Variants in SLC14A2 observed in about 807,000 individuals in gnomAD.
SLC14A2 encodes the protein solute carrier family 14 member 2, also known as urea transporter 2.
In SLC14A2, 91 loss-of-function variants were observed where a neutral mutation model predicts 104.6. The ratio of observed to expected loss-of-function variants is 0.87; its 90% CI spans 0.73 to 1.04. SLC14A2 has a LOEUF of 1.04. Ranked by LOEUF, SLC14A2 falls within the 50% of genes least tolerant of loss-of-function variation. SLC14A2 has a pLI of 0.00. For missense variants in SLC14A2, 1,189 were observed against 1,156.0 expected (o/e 1.03, Z -0.41); for synonymous variants, 476 against 466.4 (o/e 1.02, Z -0.27).
intron 2 of SLC14A2, chr18:45,485,417 T>A (rs1340760379): frequency 6.6e-6 from 1 of 152,234 alleles, no homozygotes; most frequent in East Asian, 1.9e-4. Context: ...ATCTTACTTT[T>A]TTCAAGGCTG....
At chr18:45,404,134 G>C (rs79457890) in intron 1 of SLC14A2, among the ~76,000 whole-genome samples, 3,014 of 152,164 alleles carry the variant, frequency 0.02, 36 homozygotes, top group Non-Finnish European at 0.032. Flanking sequence ...CACTTTCTGG[G>C]CTCCCATTGC....
At chr18:45,352,532 T>G (rs1255420668) in intron 1 of SLC14A2, among the ~76,000 whole-genome samples, 3 of 152,160 alleles carry the variant, frequency 2.0e-5, no homozygotes, top group Non-Finnish European at 4.4e-5. Flanking sequence ...CCCTAGGCAC[T>G]CGGGCTAGAT....
At chr18:45,260,161 C>G (rs1377326930) in intron 1 of SLC14A2, among the ~76,000 whole-genome samples, 1 of 152,142 alleles carries the variant, frequency 6.6e-6, no homozygotes, top group Non-Finnish European at 1.5e-5. Context: ...GCTTTAGGAC[C>G]TTATGAATCA....
chr18:45,243,465 C>T lies in SLC14A2; in HGVS notation c.-125+30274C>T, dbSNP rs150278632. Among the ~76,000 whole-genome samples, 6 of 152,280 alleles carry T rather than the reference C, an allele frequency of 3.9e-5. No homozygotes were observed. In the East Asian group the frequency reaches 9.6e-4, roughly 24 times the overall value. On this transcript the variant is annotated intron_variant, in intron 1 of 20. Coordinates refer to the SLC14A2 transcript ENST00000586448. Reference sequence around the variant, plus strand: ...TCAGAACCAGCAGTCACAGCTCCCACCCCAAAGAATGATCACATGGATGCT... The same window carrying T: ...TCAGAACCAGCAGTCACAGCTCCCATCCCAAAGAATGATCACATGGATGCT...
At chr18:45,610,310 G>C (rs1568297413) in intron 2 of SLC14A2, among the ~76,000 whole-genome samples, 1 of 152,200 alleles carries the variant, frequency 6.6e-6, no homozygotes, top group African/African-American at 2.4e-5. Context: ...GGCATAAAAT[G>C]TGTGCAGAAA....
chr18:45,533,623 A>G (rs990231686), intron 2 of SLC14A2, among the ~76,000 whole-genome samples: 2 of 152,024 alleles, frequency 1.3e-5, no homozygotes, highest in African/African-American at 4.8e-5. Context: ...TGGTCTATCA[A>G]TTTTGCTGAT....
rs199745728 is a variant in SLC14A2 at position 45,240,649 on chromosome 18, TG to T, written c.-125+27459del. On this transcript the variant is annotated intron_variant, in intron 1 of 20. Coordinates refer to the SLC14A2 transcript ENST00000586448. ...GAAAGTGTTTTTTTTTTGTTTTTTT[TG>T]TTTTTGTTTTTGGTTTTGCCTTTTT... Among the ~76,000 whole-genome samples the T allele has an allele frequency of 2.6e-3, 390 of 149,652 alleles. 2 individuals carry two copies. Among genetic ancestry groups the T allele is most frequent in the African/African-American group, 9.0e-3 (359 of 40,030 alleles).
the SLC14A2 span, among the ~76,000 whole-genome samples, chr18:45,191,596 G>A: frequency 2.0e-5 from 3 of 152,154 alleles, no homozygotes; most frequent in African/African-American, 4.8e-5. Context: ...TGTTTCTTGG[G>A]GACTTCAGCC....
intron 1 of SLC14A2, among the ~76,000 whole-genome samples, chr18:45,315,196 G>T (rs1387972173): frequency 6.6e-6 from 1 of 152,176 alleles, no homozygotes; most frequent in East Asian, 1.9e-4. Flanking sequence ...GAAGGGAGAA[G>T]TTGAATCATT....
At chr18:45,435,471 T>C (rs1332646753) in intron 1 of SLC14A2, 1 of 152,206 alleles carries the variant, frequency 6.6e-6, no homozygotes. Context: ...TATTATAATA[T>C]CACACACACC....
intron 1 of SLC14A2, among the ~76,000 whole-genome samples, chr18:45,344,057 C>T (rs1049899566): frequency 2.0e-5 from 3 of 152,172 alleles, no homozygotes; most frequent in Non-Finnish European, 4.4e-5. Flanking sequence ...TAACTTTCAT[C>T]AAAGTATGTG....
At chr18:45,185,214 G>C in the SLC14A2 span, among the ~76,000 whole-genome samples, 1 of 152,166 alleles carries the variant, frequency 6.6e-6, no homozygotes, top group African/African-American at 2.4e-5. Context: ...AAAGAAGAAT[G>C]TATTTGTCAC....
At chr18:45,608,039 A>C (rs1599058976) in intron 2 of SLC14A2, among the ~76,000 whole-genome samples, 1 of 152,206 alleles carries the variant, frequency 6.6e-6, no homozygotes, top group Non-Finnish European at 1.5e-5. Flanking sequence ...CTATGACCCC[A>C]TTCCTGGGCA....
chr18:45,546,610 G>A lies in SLC14A2; in HGVS notation c.-35+63288G>A, dbSNP rs886495827. On this transcript the variant is annotated intron_variant, in intron 2 of 20. Transcript: ENST00000586448. ...AAAAAGTGTATCTTAGCCCTGAAAG[G>A]TCAAAGAGCTTAATAGTCAAAGGAT... Among the ~76,000 whole-genome samples the A allele has an allele frequency of 3.9e-5, 6 of 152,176 alleles. No individual in the cohort carries two copies. The East Asian group carries it at 7.7e-4, about 20-fold the overall frequency.
chr18:45,349,786 A>G (rs1342081753), intron 1 of SLC14A2, among the ~76,000 whole-genome samples: 1 of 152,250 alleles, frequency 6.6e-6, no homozygotes, highest in African/African-American at 2.4e-5. Context: ...ACGTAGATGA[A>G]GATTAAGAGA....
chr18:45,187,436 T>C, the SLC14A2 span, among the ~76,000 whole-genome samples: 92 of 152,294 alleles, frequency 6.0e-4, 1 homozygote, highest in African/African-American at 1.7e-3. Flanking sequence ...TAGAATTAAA[T>C]TGTGGAACAA....
At chr18:45,569,408 C>T (rs1020049194) in intron 2 of SLC14A2, among the ~76,000 whole-genome samples, 1 of 152,330 alleles carries the variant, frequency 6.6e-6, no homozygotes, top group African/African-American at 2.4e-5. Flanking sequence ...ACCAGTGCTA[C>T]ACTTTCTTAC....
In SLC14A2 at chr18:45,579,916, A is replaced by G. The variant is rs555632064; in HGVS notation, c.-34-44715A>G. 3.0e-4 allele frequency among the ~76,000 whole-genome samples: 46 copies of G among 152,330 alleles called. 1 individual carries two copies. The highest frequency in any genetic ancestry group is 1.1e-3 in the African/African-American group (44 of 41,570). On this transcript the variant is annotated intron_variant, in intron 2 of 20. Transcript: ENST00000586448. The stretch of plus-strand genomic sequence containing the variant: ...TGAACCATGCAAAGAGTTAAGAAGA[A>G]AGAATACCACGTGGGAGAACACTAT...
At chr18:45,268,769 C>A (rs755504235) in intron 1 of SLC14A2, among the ~76,000 whole-genome samples, 10 of 151,932 alleles carry the variant, frequency 6.6e-5, no homozygotes, top group African/African-American at 4.8e-5. Flanking sequence ...CTCAGACTGG[C>A]CAAAGGTTGA....
Sources: gnomAD v4.1 joint callset for allele counts (sites outside exome capture counted in the v4.1 genomes callset) on GRCh38, gnomAD v4.1.1 for gene constraint, MANE v1.5 for transcripts, NCBI Gene and HGNC (gene_info 2026-07-23, HGNC 2026-07-21) for gene names.